Variants in ATP11A observed in about 807,000 individuals in gnomAD.
The protein encoded by ATP11A is phospholipid-transporting ATPase IH.
In ATP11A, 81 loss-of-function variants were observed where a neutral mutation model predicts 154.4. The ratio of observed to expected loss-of-function variants is 0.52; its 90% confidence interval spans 0.44 to 0.63. The LOEUF (loss-of-function observed/expected upper bound fraction) is 0.63, where lower values mean the gene tolerates loss of function less well. ATP11A is among the 30% of genes least tolerant of loss of function. ATP11A has a pLI of 0.00. For missense variants in ATP11A, 1,316 were observed against 1,474.3 expected, an observed-to-expected ratio of 0.89 and a Z score of 1.76; for synonymous variants, 623 against 585.9, an observed-to-expected ratio of 1.06 and a Z score of -0.91.
chr13:112,883,480 C>G lies in ATP11A; in HGVS notation c.*1614C>G. 1 of 341,848 alleles carries G rather than the reference C, an allele frequency of 2.9e-6. No individual in the cohort carries two copies. 21.2% of individuals were successfully genotyped at this position (341,848 alleles called of 1,614,324 possible). On this transcript the variant is annotated 3_prime_UTR_variant, in exon 30 of 30. Coordinates refer to ENST00000375645, the MANE Select transcript of ATP11A (RefSeq NM_015205.3). ...GAACGGGGCTCCGGCAAGTGAAACC[C>G]AGAGGGTGTTTCCGAGGTGCTCGAC... is the stretch of plus-strand genomic sequence containing the variant.
intron 1 of ATP11A, among the ~76,000 whole-genome samples, chr13:112,701,857 A>T (rs1241388427): frequency 6.6e-6 from 1 of 151,890 alleles, no homozygotes; most frequent in African/African-American, 2.4e-5. Flanking sequence ...CAATGGACTG[A>T]GGTGTGAGTA....
chr13:112,828,932 G>C (rs910468199), intron 12 of ATP11A, among the ~76,000 whole-genome samples: 2 of 152,210 alleles, frequency 1.3e-5, no homozygotes, highest in South Asian at 2.1e-4. Context: ...CCAGTCAAGC[G>C]TCTGTGTCCA....
At chr13:112,880,490 C>T (rs939468388) in intron 29 of ATP11A, 5 of 1,255,194 alleles carry the variant, frequency 4.0e-6, no homozygotes, top group African/African-American at 3.1e-5. Context: ...GAGGCCCGAG[C>T]ACTCCTGGTG....
intron 10 of ATP11A, among the ~76,000 whole-genome samples, chr13:112,825,171 G>A (rs1449787914): frequency 6.6e-6 from 1 of 152,192 alleles, no homozygotes; most frequent in Non-Finnish European, 1.5e-5. Flanking sequence ...TCCGCAGTGT[G>A]GCTGTGAGCA....
In ATP11A at chr13:112,854,547, C is replaced by A; in HGVS notation, c.2243+17C>A. 6.3e-7 allele frequency: 1 copy of A among 1,596,074 alleles called. No homozygotes were observed. On this transcript the variant is annotated intron_variant, in intron 19 of 29. Coordinates refer to ENST00000375645, the MANE Select transcript of ATP11A (RefSeq NM_015205.3). ...CCTGTCCGGGTAGGCAGCGCGTCCC[C>A]GCCCCCACCCCCACACTCCCGCAAA...
chr13:112,825,653 A>G (rs534161533), intron 11 of ATP11A, 73 bp downstream of exon 11: 1 of 1,499,380 alleles, frequency 6.7e-7, no homozygotes, highest in East Asian at 2.4e-5. Context: ...TGGTGCAAGA[A>G]AAAGATGACG....
rs1231185910 is a variant in ATP11A, at chr13:112,860,546, GC to G, written c.2855+133del. ...GCATTCGGCATCTGCTGATATTCTTGCTTGATCAGGAGCTTGTTTAAACTGG... is the reference window on the plus strand; with the variant it reads ...GCATTCGGCATCTGCTGATATTCTTGTTGATCAGGAGCTTGTTTAAACTGG... On this transcript the variant is annotated intron_variant, in intron 24 of 29. Transcript: ENST00000375645. 2.8e-6 allele frequency: 3 copies of G among 1,058,020 alleles called. No homozygotes were observed. In the Admixed American group the frequency reaches 7.2e-5, roughly 25 times the overall value. 65.5% of individuals were successfully genotyped at this position (1,058,020 alleles called of 1,614,324 possible).
chr13:112,833,160 C>A (rs1566546904), intron 14 of ATP11A, 137 bp downstream of exon 14: 1 of 1,124,616 alleles, frequency 8.9e-7, no homozygotes, highest in Non-Finnish European at 1.2e-6. Context: ...TGCCTTTGCA[C>A]CCAGCTTCTC....
chr13:112,729,566 C>T (rs1890270809), intron 1 of ATP11A, among the ~76,000 whole-genome samples: 1 of 150,764 alleles, frequency 6.6e-6, no homozygotes, highest in Admixed American at 6.6e-5. Context: ...CTTACTCATC[C>T]GAGTGTGAAC....
At chr13:112,791,356 G>T (rs1368328166) in intron 2 of ATP11A, among the ~76,000 whole-genome samples, 1 of 152,230 alleles carries the variant, frequency 6.6e-6, no homozygotes, top group Non-Finnish European at 1.5e-5. Context: ...CCTGCCCCCT[G>T]GGAGCTGGCT....
rs1392403947 is a variant in ATP11A, at chr13:112,807,157, A to T, written c.333+864A>T. 2.6e-5 allele frequency among the ~76,000 whole-genome samples: 4 copies of T among 152,236 alleles called. No individual in the cohort carries two copies. The highest frequency in any genetic ancestry group is 5.9e-5 in the Non-Finnish European group (4 of 68,042). Reference sequence around the variant, plus strand: ...GTGAAAGGCTGGAGAGGGCATGGCGAGGGAGGCACCACGGGCCGCCGGCAG... The same window carrying T: ...GTGAAAGGCTGGAGAGGGCATGGCGTGGGAGGCACCACGGGCCGCCGGCAG... On this transcript the variant is annotated intron_variant, in intron 4 of 29. Transcript: ENST00000375645. The surrounding 1 kb of genome is among the most constrained non-coding windows in gnomAD (Gnocchi z 4.5).
At chr13:112,791,485 G>C (rs9577840) in intron 2 of ATP11A, among the ~76,000 whole-genome samples, 2 of 152,358 alleles carry the variant, frequency 1.3e-5, no homozygotes, top group East Asian at 3.9e-4. Context: ...GCTTGATCCA[G>C]GCATTGGAGG....
intron 1 of ATP11A, among the ~76,000 whole-genome samples, chr13:112,762,390 G>T (rs979971337): frequency 6.6e-6 from 1 of 152,174 alleles, no homozygotes; most frequent in African/African-American, 2.4e-5. Flanking sequence ...GCCGCTGTTG[G>T]AAAGACAGCA....
chr13:112,872,382 G>A (rs145797750), intron 26 of ATP11A, among the ~76,000 whole-genome samples: 1 of 152,312 alleles, frequency 6.6e-6, no homozygotes, highest in African/African-American at 2.4e-5. Context: ...AGGCCAAGGT[G>A]GATGGATCAC....
intron 2 of ATP11A, among the ~76,000 whole-genome samples, chr13:112,789,609 G>GGGTATTCTGACATGTAGACCCCTGTGGAT (rs1566485800): frequency 8.5e-6 from 1 of 117,072 alleles, no homozygotes; most frequent in African/African-American, 5.4e-5. Flanking sequence ...CCCCTGTGGA[G>GGGTATTCTGACATGTAGACCCCTGTGGAT]ACCTACTTAA....
At chr13:112,732,647 T>C (rs1890604579) in intron 1 of ATP11A, among the ~76,000 whole-genome samples, 1 of 152,252 alleles carries the variant, frequency 6.6e-6, no homozygotes, top group South Asian at 2.1e-4. Flanking sequence ...AGTCTCGCTT[T>C]GTTGCCCAGG....
intron 1 of ATP11A, among the ~76,000 whole-genome samples, chr13:112,708,014 A>G (rs1401893891): frequency 6.6e-6 from 1 of 152,226 alleles, no homozygotes; most frequent in Non-Finnish European, 1.5e-5. Context: ...GAAGGGCCCA[A>G]TTCTTCTCCA....
At chr13:112,736,712 A>C (rs1594476709) in intron 1 of ATP11A, among the ~76,000 whole-genome samples, 1 of 152,244 alleles carries the variant, frequency 6.6e-6, no homozygotes, top group East Asian at 1.9e-4. Context: ...CATGCATCTA[A>C]TGCACTGTCC....
chr13:112,749,707 T>C (rs1419933539), intron 1 of ATP11A, among the ~76,000 whole-genome samples: 1 of 150,134 alleles, frequency 6.7e-6, no homozygotes, highest in African/African-American at 2.5e-5. Context: ...GGATGCGGGG[T>C]TGAATCCCCT....
Sources: gnomAD v4.1 joint callset for allele counts (sites outside exome capture counted in the v4.1 genomes callset) on GRCh38, gnomAD v4.1.1 for gene constraint, Gnocchi (gnomAD v3.1) non-coding constraint, MANE v1.5 for transcripts, NCBI Gene and HGNC (gene_info 2026-07-23, HGNC 2026-07-21) for gene names.